PCDHGA2: variants seen among roughly 807,000 people sequenced by gnomAD.
The protein encoded by PCDHGA2 is protocadherin gamma-A2.
In PCDHGA2, 40 loss-of-function variants were observed where a neutral mutation model predicts 59.2. The ratio of observed to expected loss-of-function variants is 0.68; its 90% CI spans 0.52 to 0.88. The LOEUF (loss-of-function observed/expected upper bound fraction) is 0.88. Among genes scored for constraint, PCDHGA2 ranks in the 40% least tolerant of loss-of-function variants. PCDHGA2 has a pLI of 0.00. For synonymous variants in PCDHGA2, 560 were observed against 526.0 expected, an observed-to-expected ratio of 1.06 and a Z score of -0.89; for missense variants, 1,226 against 1,204.0, an observed-to-expected ratio of 1.02 and a Z score of -0.27.
intron 1 of PCDHGA2, chr5:141,360,139 A>G: frequency 6.3e-7 from 1 of 1,594,488 alleles, no homozygotes; most frequent in South Asian, 1.1e-5. Context: ...CCAGAAGATG[A>G]AAGCGAGCTC....
intron 1 of PCDHGA2, among the ~76,000 whole-genome samples, chr5:141,456,288 G>A (rs371687260): frequency 1.4e-3 from 217 of 152,226 alleles, no homozygotes; most frequent in Middle Eastern, 6.8e-3. Context: ...GAAAAGGGGC[G>A]TCTAATGGAG....
At chr5:141,505,583 T>C (rs2099846941) in intron 3 of PCDHGA2, 102 bp downstream of exon 3, 3 of 1,583,532 alleles carry the variant, frequency 1.9e-6, no homozygotes, top group Non-Finnish European at 2.6e-6. Flanking sequence ...ACCTGTGTAG[T>C]TTCTCCAGAT....
intron 3 of PCDHGA2, among the ~76,000 whole-genome samples, chr5:141,509,766 G>A (rs1176830940): frequency 6.6e-6 from 1 of 152,104 alleles, no homozygotes; most frequent in Non-Finnish European, 1.5e-5. Flanking sequence ...TCCCTGAGAT[G>A]TCTAGTCCCC....
At position 141,364,766 on chromosome 5, in the gene PCDHGA2, G is replaced by A. The variant is rs377017789; in HGVS notation, c.2424+23371G>A. 6 of 1,613,880 alleles carry A rather than the reference G, an allele frequency of 3.7e-6. No homozygotes were observed. The African/African-American group carries it at 8.0e-5, about 22-fold the overall frequency. ...GTTAAAAGTAAAAGTTAATGAAAAT[G>A]CGGCTGCAGGGACACGGTTAGTGCT... On this transcript the variant is annotated intron_variant, in intron 1 of 3. Coordinates refer to ENST00000394576, the MANE Select transcript of PCDHGA2 (RefSeq NM_018915.4).
At chr5:141,346,208 G>T (rs756507619) in intron 1 of PCDHGA2, 1 of 1,614,166 alleles carries the variant, frequency 6.2e-7, no homozygotes, top group South Asian at 1.1e-5. Context: ...CACGCCTGCT[G>T]CAGGCTTCGG....
intron 1 of PCDHGA2, chr5:141,382,927 T>G: frequency 6.3e-7 from 1 of 1,579,076 alleles, no homozygotes; most frequent in Non-Finnish European, 8.6e-7. Context: ...GGGCGGGGAC[T>G]ACAGAGGATT....
rs751177252 is a variant in PCDHGA2 at position 141,415,407 on chromosome 5, T to G, written c.2424+74012T>G. The G allele has an allele frequency of 1.9e-6, 3 of 1,614,086 alleles. No homozygotes were observed. The African/African-American group carries it at 4.0e-5, about 22-fold the overall frequency. ...TGACAGGTGTGTCCGGCTCGCACTTTGTGGGCGTGGACGGGGTTCGGGCTT... is the reference window on the plus strand; with the variant it reads ...TGACAGGTGTGTCCGGCTCGCACTTGGTGGGCGTGGACGGGGTTCGGGCTT... On this transcript the variant is annotated intron_variant, in intron 1 of 3. Transcript: ENST00000394576.
chr5:141,476,046 C>T lies in PCDHGA2; in HGVS notation c.2425-18761C>T. 6.7e-7 allele frequency: 1 copy of T among 1,491,396 alleles called. No individual in the cohort carries two copies. Among genetic ancestry groups the T allele is most frequent in the Non-Finnish European group, 8.9e-7 (1 of 1,122,928 alleles). 92.4% of individuals were successfully genotyped at this position (1,491,396 alleles called of 1,614,324 possible). On this transcript the variant is annotated intron_variant, in intron 1 of 3. Coordinates refer to ENST00000394576, the MANE Select transcript of PCDHGA2 (RefSeq NM_018915.4). This position sits in a 1 kb window ranked among gnomAD's most constrained non-coding sequence, Gnocchi z 7.6. ...CGGCGCCCAGCGCCCAAGCGCTAAC[C>T]CGCTGAAAGTTTCTCAGCGAAATCT...
At chr5:141,422,044 G>A (rs780284162) in intron 1 of PCDHGA2, 1 of 1,611,530 alleles carries the variant, frequency 6.2e-7, no homozygotes, top group Non-Finnish European at 8.5e-7. Flanking sequence ...TCCAGACGAG[G>A]GAATCAACGG....
intron 1 of PCDHGA2, chr5:141,394,385 G>C: frequency 6.2e-7 from 1 of 1,614,206 alleles, no homozygotes. Context: ...ACTATGAGCA[G>C]ATCCGAGACC....
chr5:141,462,623 T>C (rs992165332), intron 1 of PCDHGA2, among the ~76,000 whole-genome samples: 3 of 150,992 alleles, frequency 2.0e-5, no homozygotes, highest in Non-Finnish European at 4.4e-5. Context: ...CTTTTAGAAG[T>C]TCCATTTGAC....
intron 1 of PCDHGA2, chr5:141,342,649 T>A (rs187053483): frequency 2.6e-4 from 39 of 152,344 alleles, no homozygotes; most frequent in African/African-American, 8.9e-4. Flanking sequence ...GCTTTACTTG[T>A]AAGTGAATAA....
In PCDHGA2 at chr5:141,432,172, C is replaced by G. The variant is rs562175068; in HGVS notation, c.2425-62635C>G. On this transcript the variant is annotated intron_variant, in intron 1 of 3. Transcript: ENST00000394576. This position sits in a 1 kb window ranked among gnomAD's most constrained non-coding sequence, Gnocchi z 6.0. ...AGAACAATCCCAGAGGAGTTTCCCTCGTCTCTGTGACCGCCCACGACCCCG... is the reference window on the plus strand; with the variant it reads ...AGAACAATCCCAGAGGAGTTTCCCTGGTCTCTGTGACCGCCCACGACCCCG... 9 of 1,614,034 alleles carry G rather than the reference C, an allele frequency of 5.6e-6. No homozygotes were observed. The highest frequency in any genetic ancestry group is 7.6e-6 in the Non-Finnish European group (9 of 1,180,046).
At chr5:141,355,389 A>G (rs911908895) in intron 1 of PCDHGA2, 2 of 1,614,068 alleles carry the variant, frequency 1.2e-6, no homozygotes, top group Non-Finnish European at 1.7e-6. Context: ...CGGAGCGCGG[A>G]GTCCGCATCG....
chr5:141,415,967 C>A, intron 1 of PCDHGA2: 1 of 389,100 alleles, frequency 2.6e-6, no homozygotes, highest in Non-Finnish European at 4.2e-6. Context: ...AACTCCAGCC[C>A]CTTAAGCAAC....
At chr5:141,373,976 G>T (rs1357062991) in intron 1 of PCDHGA2, 1 of 1,066,506 alleles carries the variant, frequency 9.4e-7, no homozygotes, top group Non-Finnish European at 1.3e-6. Context: ...CTTCGCATCC[G>T]GTCTCTGCTT....
At chr5:141,394,802 C>G (rs773531449) in intron 1 of PCDHGA2, 1 of 1,613,810 alleles carries the variant, frequency 6.2e-7, no homozygotes, top group South Asian at 1.1e-5. Context: ...TCACCGTAGC[C>G]GTGGCTGACA....
intron 1 of PCDHGA2, chr5:141,357,300 C>G (rs112089502): frequency 2.5e-6 from 4 of 1,614,080 alleles, no homozygotes; most frequent in African/African-American, 2.7e-5. Flanking sequence ...TGGCCGCTGT[C>G]TCCTGCGTCT....
chr5:141,441,819 G>A (rs1040935030), intron 1 of PCDHGA2: 6 of 359,092 alleles, frequency 1.7e-5, no homozygotes, highest in Non-Finnish European at 3.3e-5. Context: ...CCCCAGCTCT[G>A]GAGCGCAATG....
Sources: allele counts gnomAD v4.1 joint callset (sites outside exome capture counted in the v4.1 genomes callset), GRCh38; gene constraint gnomAD v4.1.1; non-coding constraint Gnocchi (gnomAD v3.1); transcripts MANE v1.5; gene names NCBI Gene and HGNC (gene_info 2026-07-23, HGNC 2026-07-21).